Variants in FNBP1 observed in about 807,000 individuals in gnomAD.
FNBP1 encodes the protein formin-binding protein 1.
A neutral mutation model predicts 90.6 loss-of-function variants in FNBP1; 26 were observed. The observed-to-expected ratio is 0.29, with a 90% confidence interval of 0.21 to 0.40. The LOEUF is 0.40. Ranked by LOEUF, FNBP1 falls within the 10% of genes least tolerant of loss-of-function variation. The pLI is 1.00. For synonymous variants in FNBP1, 260 were observed against 265.2 expected, an observed-to-expected ratio of 0.98 and a Z score of 0.19; for missense variants, 635 against 768.0, an observed-to-expected ratio of 0.83 and a Z score of 2.05.
chr9:130,018,685 C>A (rs1335023366), intron 1 of FNBP1, among the ~76,000 whole-genome samples: 1 of 152,072 alleles, frequency 6.6e-6, no homozygotes, highest in African/African-American at 2.4e-5. Context: ...TCAAGTCACC[C>A]GCCCATCTCT....
At chr9:130,046,343 A>G (rs958785851), upstream of FNBP1, among the ~76,000 whole-genome samples, 2 of 152,084 alleles carry the variant, frequency 1.3e-5, no homozygotes, top group Admixed American at 6.6e-5. Flanking sequence ...GTAATGGTCA[A>G]TAGCTTAATC....
chr9:129,914,780 T>G (rs1004766797), intron 11 of FNBP1: 8 of 144,924 alleles, frequency 5.5e-5, no homozygotes, highest in African/African-American at 2.1e-4. Flanking sequence ...TATATATATA[T>G]ATATATATAT....
At chr9:129,953,215 G>C (rs576842321) in intron 6 of FNBP1, among the ~76,000 whole-genome samples, 1 of 152,276 alleles carries the variant, frequency 6.6e-6, no homozygotes, top group East Asian at 1.9e-4. Context: ...GCCAGGTATG[G>C]TGGCTCACGC....
At chr9:130,053,501 AT>A in the FNBP1 span, 2 of 179,270 alleles carry the variant, frequency 1.1e-5, no homozygotes, top group Non-Finnish European at 2.4e-5. Context: ...CGAGCCGGGA[AT>A]TTTTAGATAT....
chr9:129,982,681 A>G (rs2051454661), intron 2 of FNBP1, among the ~76,000 whole-genome samples: 2 of 152,054 alleles, frequency 1.3e-5, no homozygotes, highest in African/African-American at 4.8e-5. Flanking sequence ...ATTTTTTTAG[A>G]GACAGGGTCT....
chr9:129,961,005 CTA>C (rs1161276800), intron 4 of FNBP1, among the ~76,000 whole-genome samples: 1 of 151,986 alleles, frequency 6.6e-6, no homozygotes, highest in Non-Finnish European at 1.5e-5. Context: ...GCTGATATTT[CTA>C]TGAGACTCCC....
At chr9:129,962,081 C>T (rs915403888) in intron 4 of FNBP1, among the ~76,000 whole-genome samples, 1 of 152,158 alleles carries the variant, frequency 6.6e-6, no homozygotes, top group African/African-American at 2.4e-5. Flanking sequence ...GGAAACTGTA[C>T]CTGCAGCTTC....
intron 6 of FNBP1, among the ~76,000 whole-genome samples, chr9:129,943,665 G>C (rs560350150): frequency 6.6e-6 from 1 of 152,028 alleles, no homozygotes; most frequent in Admixed American, 6.5e-5. Flanking sequence ...GGGATTACAG[G>C]CATGAGCCAC....
chr9:129,958,362 G>A (rs1413724787), intron 5 of FNBP1, 129 bp downstream of exon 5: 3 of 654,218 alleles, frequency 4.6e-6, no homozygotes, highest in Non-Finnish European at 7.9e-6. Flanking sequence ...AACCTGGGAA[G>A]CAGAGGTTAC....
intron 4 of FNBP1, among the ~76,000 whole-genome samples, chr9:129,969,950 G>A (rs1244741420): frequency 2.0e-5 from 3 of 147,492 alleles, no homozygotes; most frequent in Non-Finnish European, 3.0e-5. Context: ...GTGCAGTGGC[G>A]CGATCTCGGC....
intron 1 of FNBP1, among the ~76,000 whole-genome samples, chr9:129,999,146 T>A (rs527422308): frequency 3.0e-4 from 45 of 152,096 alleles, no homozygotes; most frequent in African/African-American, 1.1e-3. Flanking sequence ...GAAAAAAAAA[T>A]CCAAATCTTA....
chr9:129,930,821 A>T (rs2042622331), intron 6 of FNBP1, among the ~76,000 whole-genome samples: 2 of 152,170 alleles, frequency 1.3e-5, no homozygotes, highest in Non-Finnish European at 2.9e-5. Flanking sequence ...ACACAATTTG[A>T]GGTCCACACA....
chr9:129,982,738 T>C (rs749448340), intron 2 of FNBP1, among the ~76,000 whole-genome samples: 1 of 152,200 alleles, frequency 6.6e-6, no homozygotes, highest in Non-Finnish European at 1.5e-5. Flanking sequence ...CATGGCTCAC[T>C]GCAAGCCTCG....
intron 11 of FNBP1, chr9:129,910,309 C>T (rs531374366): frequency 1.2e-5 from 5 of 408,258 alleles, no homozygotes; most frequent in African/African-American, 6.3e-5. Flanking sequence ...TGTGAAACAC[C>T]GTCTCTGCTA....
chr9:129,938,247 A>C lies in FNBP1; in HGVS notation c.514-8552T>G, dbSNP rs1431820374. Among the ~76,000 whole-genome samples the C allele has an allele frequency of 2.0e-5, 3 of 152,196 alleles. No homozygotes were observed. The East Asian group carries it at 5.8e-4, about 29-fold the overall frequency. ...AAGGGACACTAAGGAAGAGATGAAA[A>C]AGCTCTTTGTCCAGAGCAAAGTTGT... On this transcript the variant is annotated intron_variant, in intron 6 of 16. Coordinates refer to ENST00000446176, the MANE Select transcript of FNBP1 (RefSeq NM_015033.3).
intron 1 of FNBP1, among the ~76,000 whole-genome samples, chr9:130,019,105 T>C (rs1224646347): frequency 1.3e-5 from 2 of 151,980 alleles, no homozygotes; most frequent in Non-Finnish European, 2.9e-5. Flanking sequence ...CCTGCATCTG[T>C]GGTCCCAGCT....
At chr9:129,995,358 G>C (rs1400663992) in intron 1 of FNBP1, among the ~76,000 whole-genome samples, 1 of 152,144 alleles carries the variant, frequency 6.6e-6, no homozygotes, top group Non-Finnish European at 1.5e-5. Context: ...TTGAATCTGA[G>C]CCGAGGAACG....
chr9:130,043,079 C>G lies in FNBP1; in HGVS notation c.-104G>C, dbSNP rs2059986530. 9.0e-7 allele frequency: 1 copy of G among 1,107,508 alleles called. No homozygotes were observed. Among genetic ancestry groups the G allele is most frequent in the Non-Finnish European group, 1.1e-6 (1 of 877,708 alleles). 68.6% of individuals were successfully genotyped at this position (1,107,508 alleles called of 1,614,324 possible). On this transcript the variant is annotated 5_prime_UTR_variant, in exon 1 of 17. Transcript: ENST00000446176. Reference sequence around the variant, plus strand: ...CCGAGATCCCCGCGACGGCGGAAAGCCCGGAGTCCGCGCGGCCTCCTCCGG... The same window carrying G: ...CCGAGATCCCCGCGACGGCGGAAAGGCCGGAGTCCGCGCGGCCTCCTCCGG...
At chr9:129,973,037 G>A (rs536508018) in intron 4 of FNBP1, among the ~76,000 whole-genome samples, 2 of 152,308 alleles carry the variant, frequency 1.3e-5, no homozygotes, top group Admixed American at 1.3e-4. Flanking sequence ...CTAAGTGTAT[G>A]CTCATAGAGT....
Sources: gnomAD v4.1 joint callset for allele counts (sites outside exome capture counted in the v4.1 genomes callset) on GRCh38, gnomAD v4.1.1 for gene constraint, MANE v1.5 for transcripts, NCBI Gene and HGNC (gene_info 2026-07-23, HGNC 2026-07-21) for gene names.